RGS7: variants seen among roughly 807,000 people sequenced by gnomAD.
RGS7 encodes the protein regulator of G-protein signaling 7.
A neutral mutation model predicts 81.1 loss-of-function variants in RGS7; 27 were observed. The ratio of observed to expected loss-of-function variants is 0.33; its 90% confidence interval spans 0.25 to 0.46. The LOEUF is 0.46. Among genes scored for constraint, RGS7 ranks in the 20% least tolerant of loss-of-function variants. RGS7 has a pLI of 1.00. For synonymous variants in RGS7, 208 were observed against 207.7 expected, an observed-to-expected ratio of 1.00 and a Z score of -0.01; for missense variants, 396 against 607.4, an observed-to-expected ratio of 0.65 and a Z score of 3.66.
intron 3 of RGS7, among the ~76,000 whole-genome samples, chr1:241,054,924 C>T (rs2061408833): frequency 6.6e-6 from 1 of 152,066 alleles, no homozygotes; most frequent in Admixed American, 6.6e-5. Flanking sequence ...TTTTTCAATG[C>T]TAATGGAATA....
rs372907560 is a variant in RGS7, at chr1:241,024,807, C to A, written c.176-41678G>T. Among the ~76,000 whole-genome samples the A allele has an allele frequency of 1.2e-3, 183 of 152,228 alleles. 3 individuals carry two copies. In the Middle Eastern group the frequency reaches 0.017, roughly 14 times the overall value. ...TAATATTAACTGGGGATAATTCAGG[C>A]CTGTTTTGTATTGTACCCAGATTAG... On this transcript the variant is annotated intron_variant, in intron 3 of 18. Coordinates refer to ENST00000440928, the MANE Select transcript of RGS7 (RefSeq NM_001364886.1).
intron 3 of RGS7, among the ~76,000 whole-genome samples, chr1:241,042,648 G>C (rs1392345172): frequency 7.6e-6 from 1 of 131,474 alleles, no homozygotes; most frequent in African/African-American, 3.3e-5. Context: ...CCCTTGGCCG[G>C]GCCGGGCTTG....
intron 6 of RGS7, among the ~76,000 whole-genome samples, chr1:240,874,682 A>G (rs1021827307): frequency 2.6e-5 from 4 of 152,178 alleles, no homozygotes; most frequent in African/African-American, 9.7e-5. Flanking sequence ...TGCTATGACT[A>G]AATCAAGCTA....
chr1:241,033,906 C>T (rs906489646), intron 3 of RGS7, among the ~76,000 whole-genome samples: 2 of 151,856 alleles, frequency 1.3e-5, no homozygotes, highest in African/African-American at 4.8e-5. Context: ...AAAAAAGGAA[C>T]CTTACCACAG....
intron 3 of RGS7, among the ~76,000 whole-genome samples, chr1:241,013,053 C>CTTTTTTT (rs146066815): frequency 2.5e-5 from 2 of 80,310 alleles, no homozygotes; most frequent in African/African-American, 9.3e-5. Flanking sequence ...CTGACCCCTC[C>CTTTTTTT]TTTTTTTTTT....
intron 2 of RGS7, among the ~76,000 whole-genome samples, chr1:241,315,856 T>G (rs1307870341): frequency 6.6e-6 from 1 of 152,238 alleles, no homozygotes; most frequent in East Asian, 1.9e-4. Context: ...GCCTTCATTA[T>G]GTTGAAGTAA....
At chr1:241,065,292 G>T in intron 3 of RGS7, among the ~76,000 whole-genome samples, 1 of 150,212 alleles carries the variant, frequency 6.7e-6, no homozygotes, top group Middle Eastern at 3.6e-3. Context: ...ATATATTATA[G>T]ATATAGATAT....
chr1:241,041,409 G>A (rs532487588), intron 3 of RGS7, among the ~76,000 whole-genome samples: 82 of 151,782 alleles, frequency 5.4e-4, no homozygotes, highest in South Asian at 3.8e-3. Context: ...AAAAATACTC[G>A]CAAAAGCTTG....
intron 6 of RGS7, among the ~76,000 whole-genome samples, chr1:240,878,695 ATAC>A (rs1427689711): frequency 1.3e-5 from 2 of 152,098 alleles, no homozygotes; most frequent in Non-Finnish European, 2.9e-5. Context: ...AATATTCAGC[ATAC>A]TTAAGAGAAT....
intron 6 of RGS7, among the ~76,000 whole-genome samples, chr1:240,887,576 T>C (rs1183495426): frequency 6.6e-6 from 1 of 152,182 alleles, no homozygotes; most frequent in East Asian, 1.9e-4. Flanking sequence ...CCTAGAGTTA[T>C]CTTAGTGTCT....
chr1:241,189,166 G>A (rs978093869), intron 2 of RGS7, among the ~76,000 whole-genome samples: 12 of 151,974 alleles, frequency 7.9e-5, no homozygotes, highest in Non-Finnish European at 2.9e-5. Context: ...TTATTTTTTT[G>A]TACAGACAAG....
intron 2 of RGS7, among the ~76,000 whole-genome samples, chr1:241,128,819 G>C (rs1216112523): frequency 2.0e-5 from 3 of 146,830 alleles, no homozygotes; most frequent in Non-Finnish European, 4.5e-5. Context: ...GGAATAAGTA[G>C]GGAATTTCAT....
chr1:241,001,226 T>C (rs2502448), intron 3 of RGS7, among the ~76,000 whole-genome samples: 53,649 of 152,044 alleles, frequency 0.35, 10,408 homozygotes, highest in East Asian at 0.57. Context: ...ACAATATAGC[T>C]ATACAACAAC....
intron 9 of RGS7, among the ~76,000 whole-genome samples, chr1:240,847,689 C>T (rs1054640850): frequency 2.6e-5 from 4 of 152,096 alleles, no homozygotes; most frequent in East Asian, 1.9e-4. Flanking sequence ...TGAGACTTTT[C>T]GAAATCATGG....
intron 2 of RGS7, among the ~76,000 whole-genome samples, chr1:241,122,517 C>G (rs2066356383): frequency 6.6e-6 from 1 of 151,918 alleles, no homozygotes; most frequent in South Asian, 2.1e-4. Context: ...AAAAAATTAG[C>G]CAGGCACGGT....
chr1:240,987,059 C>G (rs554381940), intron 3 of RGS7, among the ~76,000 whole-genome samples: 6 of 152,306 alleles, frequency 3.9e-5, no homozygotes, highest in African/African-American at 1.4e-4. Flanking sequence ...CGGTCCACGT[C>G]TGCACCCCTC....
chr1:240,998,473 A>T, intron 3 of RGS7: 1 of 995,576 alleles, frequency 1.0e-6, no homozygotes, highest in Non-Finnish European at 1.5e-6. Context: ...AGCCCATGTC[A>T]CCATCAGACT....
chr1:241,127,339 G>C (rs777760994), intron 2 of RGS7, among the ~76,000 whole-genome samples: 8 of 152,142 alleles, frequency 5.3e-5, no homozygotes, highest in Non-Finnish European at 1.0e-4. Flanking sequence ...TTTAAGGATT[G>C]AAGTCATACA....
At chr1:240,891,176 TTTAA>T (rs1668232021) in intron 6 of RGS7, among the ~76,000 whole-genome samples, 4 of 147,458 alleles carry the variant, frequency 2.7e-5, no homozygotes, top group Admixed American at 2.1e-4. Flanking sequence ...AAACAGGTAA[TTTAA>T]TTATTTTTTT....
Sources: allele counts gnomAD v4.1 joint callset (sites outside exome capture counted in the v4.1 genomes callset), GRCh38; gene constraint gnomAD v4.1.1; transcripts MANE v1.5; gene names NCBI Gene and HGNC (gene_info 2026-07-23, HGNC 2026-07-21).